Variants in DIP2C observed in about 807,000 individuals in gnomAD.
DIP2C encodes DIP2 acetate--CoA ligase C (putative), also known as disco-interacting protein 2 homolog C.
Under a neutral mutation model 192.4 loss-of-function variants are expected in DIP2C, and 33 were observed. That is an observed-to-expected ratio of 0.17 (90% confidence interval 0.13 to 0.23). DIP2C has a LOEUF of 0.23. Ranked by LOEUF, DIP2C falls within the 10% of genes least tolerant of loss-of-function variation. DIP2C has a pLI of 1.00. For missense variants in DIP2C, 1,537 were observed against 2,110.1 expected (o/e 0.73, Z 5.32); for synonymous variants, 979 against 864.1 (o/e 1.13, Z -2.33).
intron 1 of DIP2C, among the ~76,000 whole-genome samples, chr10:603,557 A>C (rs1852249637): frequency 1.3e-5 from 2 of 152,140 alleles, no homozygotes; most frequent in African/African-American, 4.8e-5. Flanking sequence ...ATCTAACTTT[A>C]AAGACCCAAA....
At chr10:398,434 C>T (rs1231661211) in intron 10 of DIP2C, among the ~76,000 whole-genome samples, 1 of 152,232 alleles carries the variant, frequency 6.6e-6, no homozygotes, top group Non-Finnish European at 1.5e-5. Context: ...AGCTGTCCCA[C>T]CTTTCTAGAC....
chr10:658,335 GGACCTGCCC>G (rs1856538784), intron 1 of DIP2C, among the ~76,000 whole-genome samples: 1 of 141,758 alleles, frequency 7.1e-6, no homozygotes, highest in African/African-American at 2.5e-5. Flanking sequence ...ACCTGACACT[GGACCTGCCC>G]CTGGACCTGC....
chr10:291,092 C>G (rs1026585614), intron 32 of DIP2C, among the ~76,000 whole-genome samples: 1 of 152,232 alleles, frequency 6.6e-6, no homozygotes, highest in Non-Finnish European at 1.5e-5. Flanking sequence ...TTGGCCTGTG[C>G]CCAGCCACTA....
At chr10:677,646 G>T (rs1334179916) in intron 1 of DIP2C, among the ~76,000 whole-genome samples, 1 of 152,168 alleles carries the variant, frequency 6.6e-6, no homozygotes, top group Non-Finnish European at 1.5e-5. Flanking sequence ...GTCCACAAAG[G>T]GTGGGGCCAG....
intron 3 of DIP2C, among the ~76,000 whole-genome samples, chr10:447,915 A>AT (rs1968418420): frequency 1.7e-5 from 2 of 118,760 alleles, no homozygotes; most frequent in East Asian, 2.5e-4. Flanking sequence ...GGACCCACTC[A>AT]TCCCTGTCTA....
chr10:587,335 C>T (rs890502991), intron 1 of DIP2C, among the ~76,000 whole-genome samples: 2 of 152,218 alleles, frequency 1.3e-5, no homozygotes, highest in African/African-American at 2.4e-5. Flanking sequence ...CCAAGTTCCG[C>T]GTCAGTAAAA....
At chr10:300,771 G>C (rs12242160) in intron 32 of DIP2C, among the ~76,000 whole-genome samples, 79 of 126,794 alleles carry the variant, frequency 6.2e-4, no homozygotes, top group Middle Eastern at 4.8e-3. Context: ...GGAACCCAGG[G>C]GCGGCCCTGA....
chr10:640,695 G>A (rs1377879133), intron 1 of DIP2C, among the ~76,000 whole-genome samples: 1 of 149,546 alleles, frequency 6.7e-6, no homozygotes, highest in Non-Finnish European at 1.5e-5. Flanking sequence ...GCGGGGAAGA[G>A]GCTGCGCGCG....
At chr10:411,804 C>T (rs189526726) in intron 8 of DIP2C, among the ~76,000 whole-genome samples, 128 of 152,346 alleles carry the variant, frequency 8.4e-4, no homozygotes, top group African/African-American at 2.8e-3. Context: ...CCCAGTCATG[C>T]GTTCATCTAC....
Position 349,320 on chromosome 10 carries a change from T to A in DIP2C, c.3109+11A>T, listed in dbSNP as rs1377339412. ...GCCATCTCTCAGGGGAAGCCCACCCTGCGCCTGTACCTGGGGGGTAGACCA... is the reference window on the plus strand; with the variant it reads ...GCCATCTCTCAGGGGAAGCCCACCCAGCGCCTGTACCTGGGGGGTAGACCA... On this transcript the variant is annotated intron_variant, in intron 25 of 36. Transcript: ENST00000280886. 1 of 1,600,120 alleles carries A rather than the reference T, an allele frequency of 6.2e-7. No homozygotes were observed. The highest frequency in any genetic ancestry group is 1.1e-5 in the South Asian group (1 of 90,850).
At position 390,074 on chromosome 10, in the gene DIP2C, C is replaced by T. The variant is rs1963336629; in HGVS notation, c.1514G>A (p.Gly505Asp). 1 of 1,613,962 alleles carries T rather than the reference C, an allele frequency of 6.2e-7. No individual in the cohort carries two copies. ...CGTCACCGTCACACCCAGCACACTG[C>T]CATCCTTACACGTCTTGTACTGAAA... is the stretch of plus-strand genomic sequence containing the variant. ...AYIEYKTCKD[G>D]SVLGVTVTRT... The change falls in exon 13 of 37, where the codon GGC (glycine) becomes GAC (aspartate). Residue 505 changes from glycine (G) to aspartate (D), a missense_variant. This residue lies in a region of DIP2C where 677 missense variants were observed against 989.9 expected (regional missense o/e 0.68). Coordinates refer to ENST00000280886, the MANE Select transcript of DIP2C (RefSeq NM_014974.3).
rs534932438 is a variant in DIP2C, at chr10:622,952, C to T, written c.85+66542G>A. On this transcript the variant is annotated intron_variant, in intron 1 of 36. Transcript: ENST00000280886. ...TTAATTCCCTAATGCAATTACCCAG[C>T]TTCAGCCTGATGGCTGTAATGTCTA... Among the ~76,000 whole-genome samples, 90 of 152,372 alleles carry T rather than the reference C, an allele frequency of 5.9e-4. 1 individual carries two copies. The highest frequency in any genetic ancestry group is 2.1e-3 in the African/African-American group (86 of 41,586).
rs1469743554 is a variant in DIP2C, at chr10:365,681, G to A, written c.2268+594C>T. Among the ~76,000 whole-genome samples, 8 of 152,352 alleles carry A rather than the reference G, an allele frequency of 5.3e-5. 1 individual carries two copies. Among genetic ancestry groups the A allele is most frequent in the Middle Eastern group, 6.8e-3 (2 of 294 alleles). On this transcript the variant is annotated intron_variant, in intron 19 of 36. Coordinates refer to ENST00000280886, the MANE Select transcript of DIP2C (RefSeq NM_014974.3). ...AGAGTTCTGAGTTGCAGCACTGAAC[G>A]TGTGTCTGAGCCCTTCATTACACAG...
rs1277739161 is a variant in DIP2C at position 445,560 on chromosome 10, C to T, written c.269-4564G>A. Among the ~76,000 whole-genome samples the T allele has an allele frequency of 6.0e-5, 9 of 151,088 alleles. No homozygotes were observed. The South Asian group carries it at 6.3e-4, about 11-fold the overall frequency. On this transcript the variant is annotated intron_variant, in intron 3 of 36. Coordinates refer to ENST00000280886, the MANE Select transcript of DIP2C (RefSeq NM_014974.3). The stretch of plus-strand genomic sequence containing the variant: ...GCGAAGAGTCTCACAGTCCACTGGG[C>T]ATCTGTATACATCTGTTGTGAAGAG...
At chr10:417,018 G>A (rs1033214240) in intron 6 of DIP2C, among the ~76,000 whole-genome samples, 6 of 152,174 alleles carry the variant, frequency 3.9e-5, no homozygotes, top group African/African-American at 1.2e-4. Context: ...ATGCTCTATA[G>A]CACTTTAAGA....
At chr10:455,385 GT>G (rs1181088852) in intron 3 of DIP2C, among the ~76,000 whole-genome samples, 2 of 110,070 alleles carry the variant, frequency 1.8e-5, no homozygotes, top group African/African-American at 6.6e-5. Flanking sequence ...AGGGGAGACC[GT>G]GAGGAGTAAA....
intron 1 of DIP2C, among the ~76,000 whole-genome samples, chr10:509,486 GAC>G (rs1310611673): frequency 1.3e-5 from 2 of 152,146 alleles, no homozygotes; most frequent in East Asian, 1.9e-4. Context: ...ACACCCCAAA[GAC>G]AGACTACGGA....
intron 1 of DIP2C, among the ~76,000 whole-genome samples, chr10:604,828 A>G (rs992397910): frequency 6.6e-6 from 1 of 152,294 alleles, no homozygotes; most frequent in Middle Eastern, 3.4e-3. Flanking sequence ...AAGCAGGGAG[A>G]AGCCAGACCA....
intron 32 of DIP2C, among the ~76,000 whole-genome samples, chr10:308,473 C>T (rs1375627246): frequency 6.6e-6 from 1 of 152,190 alleles, no homozygotes; most frequent in Non-Finnish European, 1.5e-5. Flanking sequence ...AGCTACTGCT[C>T]ACTCCTTCAG....
Sources: gnomAD v4.1 joint callset for allele counts (sites outside exome capture counted in the v4.1 genomes callset) on GRCh38, gnomAD v4.1.1 for gene constraint, gnomAD v4.1.1 regional missense constraint, MANE v1.5 for transcripts, NCBI Gene and HGNC (gene_info 2026-07-23, HGNC 2026-07-21) for gene names.